ANKS1A: variants seen among roughly 807,000 people sequenced by gnomAD.
ANKS1A encodes ankyrin repeat and sterile alpha motif domain containing 1A.
In ANKS1A, 55 loss-of-function variants were observed where a neutral mutation model predicts 120.3. The observed-to-expected ratio is 0.46, with a 90% CI of 0.37 to 0.57. ANKS1A has a LOEUF of 0.57. ANKS1A is among the 20% of genes least tolerant of loss of function. The probability of loss-of-function intolerance (pLI) is 0.00; values close to 1 mark genes in which losing one functional copy is unlikely to be tolerated. For missense variants in ANKS1A, 1,123 were observed against 1,480.3 expected (o/e 0.76, Z 3.96); for synonymous variants, 590 against 604.7 (o/e 0.98, Z 0.36).
In ANKS1A at chr6:34,985,198, G is replaced by A; in HGVS notation, c.1129G>A (p.Ala377Thr). The change falls in exon 8 of 24, where the codon GCC becomes ACC. Residue 377 changes from alanine to threonine, a missense_variant. Around this residue, in one of 3 missense-constraint regions of ANKS1A, gnomAD observed 904 missense variants for 1,130.4 expected, o/e 0.80. Coordinates refer to ENST00000360359, the MANE Select transcript of ANKS1A (RefSeq NM_015245.3). ...CTCCTGCCATTCGTTGGACAGCATG[G>A]CCAGCGGGCGATCATCTGACCAAGA... ...AISCHSLDSMASGRSSDQDST... is the reference protein window; with the variant it reads ...AISCHSLDSMTSGRSSDQDST... 2 of 1,614,212 alleles carry A rather than the reference G, an allele frequency of 1.2e-6. No individual in the cohort carries two copies. The highest frequency in any genetic ancestry group is 1.7e-6 in the Non-Finnish European group (2 of 1,180,036).
intron 3 of ANKS1A, among the ~76,000 whole-genome samples, chr6:34,978,045 G>T (rs1368270107): frequency 6.6e-6 from 1 of 151,812 alleles, no homozygotes; most frequent in African/African-American, 2.4e-5. Flanking sequence ...TACAACCTCT[G>T]CCTCCCAGGT....
rs556675710 is a variant in ANKS1A, at chr6:35,031,113, A to G, written c.2010+13054A>G. On this transcript the variant is annotated intron_variant, in intron 11 of 23. Coordinates refer to ENST00000360359, the MANE Select transcript of ANKS1A (RefSeq NM_015245.3). ...TGCACAATGCTTCCAGAGGTACCACACCTCCATCAGGAGGCCATACAGAAA... is the reference window on the plus strand; with the variant it reads ...TGCACAATGCTTCCAGAGGTACCACGCCTCCATCAGGAGGCCATACAGAAA... Among the ~76,000 whole-genome samples, 50 of 152,100 alleles carry G rather than the reference A, an allele frequency of 3.3e-4. 1 individual carries two copies. Among genetic ancestry groups the G allele is most frequent in the Admixed American group, 2.9e-3 (45 of 15,276 alleles).
chr6:34,958,973 C>A (rs747023443), intron 1 of ANKS1A, among the ~76,000 whole-genome samples: 1 of 152,208 alleles, frequency 6.6e-6, no homozygotes, highest in Non-Finnish European at 1.5e-5. Flanking sequence ...GACTGTCCAG[C>A]GCTGTGGCAT....
At chr6:35,012,832 A>ATG in intron 10 of ANKS1A, among the ~76,000 whole-genome samples, 1 of 152,294 alleles carries the variant, frequency 6.6e-6, no homozygotes, top group South Asian at 2.1e-4. Flanking sequence ...TATGGGTAGC[A>ATG]TAAGAAACAG....
intron 1 of ANKS1A, among the ~76,000 whole-genome samples, chr6:34,902,306 A>G (rs1767391140): frequency 6.6e-6 from 1 of 151,712 alleles, no homozygotes; most frequent in African/African-American, 2.4e-5. Context: ...CTGGAGTGCA[A>G]TGCGTGATCT....
chr6:35,037,701 G>A (rs1775247139), intron 11 of ANKS1A, among the ~76,000 whole-genome samples: 1 of 152,176 alleles, frequency 6.6e-6, no homozygotes, highest in Non-Finnish European at 1.5e-5. Flanking sequence ...CAGTGTACAG[G>A]TCTAGAGGGC....
chr6:35,084,123 C>G lies in ANKS1A; in HGVS notation c.2997C>G (p.Asn999Lys). ...GVKFIDASNK[N>K]VIAEHEIRNI... ...CAGAACACGGCTTTCCCCAGCAGAA[C>G]GTCATTGCAGAGCACGAGATCCGGA... The change falls in exon 21 of 24, where the codon AAC becomes AAG. Residue 999 changes from asparagine (N) to lysine (K), a missense_variant and splice_region_variant. Asn to Lys is a moderately conservative substitution (Grantham distance 94). Around this residue, in one of 3 missense-constraint regions of ANKS1A, gnomAD observed 904 missense variants for 1,130.4 expected, o/e 0.80. Transcript: ENST00000360359. This position sits in a 1 kb window ranked among gnomAD's most constrained non-coding sequence, Gnocchi z 4.8. 6.2e-7 allele frequency: 1 copy of G among 1,614,076 alleles called. No homozygotes were observed. The highest frequency in any genetic ancestry group is 2.2e-5 in the East Asian group (1 of 44,886).
At position 35,089,075 on chromosome 6, in the gene ANKS1A, CGGTG is replaced by C. The variant is rs1778159882; in HGVS notation, c.*468_*471del. On this transcript the variant is annotated 3_prime_UTR_variant, in exon 24 of 24. Transcript: ENST00000360359. ...CAGCTCAGTGGGTCGGAAGAGAAGG[CGGTG>C]GCCTGTGGGTGAGGGGAACGGAGCA... The C allele has an allele frequency of 1.0e-5, 11 of 1,048,506 alleles. No homozygotes were observed. The South Asian group carries it at 3.6e-4, about 34-fold the overall frequency. 65.0% of individuals were successfully genotyped at this position (1,048,506 alleles called of 1,614,324 possible).
At chr6:35,063,772 TG>T (rs928710346) in intron 13 of ANKS1A, among the ~76,000 whole-genome samples, 3 of 152,186 alleles carry the variant, frequency 2.0e-5, no homozygotes, top group African/African-American at 4.8e-5. Flanking sequence ...AGGAACTTGA[TG>T]GTCCAGCTGG....
At position 35,085,936 on chromosome 6, in the gene ANKS1A, A is replaced by G; in HGVS notation, c.3303A>G (p.Ala1101=). Residue 1101 remains alanine, a splice_region_variant and synonymous_variant, in exon 22 of 24, where the codon GCA becomes GCG. Coordinates refer to ENST00000360359, the MANE Select transcript of ANKS1A (RefSeq NM_015245.3). This position sits in a 1 kb window ranked among gnomAD's most constrained non-coding sequence, Gnocchi z 4.7. ...CTCGGGTCGGCGTGAGGAAATCCGC[A>G]GTACGTGGGCCCCACTGGCCAAGAT... ...PKPRVGVRKS[A]LEPPDMDQDA... is the part of the protein sequence containing the mutation. 6.3e-7 allele frequency: 1 copy of G among 1,599,790 alleles called. No homozygotes were observed. The highest frequency in any genetic ancestry group is 1.9e-4 in the Middle Eastern group (1 of 5,240).
At chr6:35,094,101 C>T (rs1778389245), downstream of ANKS1A, among the ~76,000 whole-genome samples, 1 of 152,182 alleles carries the variant, frequency 6.6e-6, no homozygotes, top group African/African-American at 2.4e-5. Flanking sequence ...GCTTTGACCC[C>T]CAACCTGGCA....
intron 1 of ANKS1A, among the ~76,000 whole-genome samples, chr6:34,937,013 A>G (rs1387198063): frequency 6.6e-6 from 1 of 152,238 alleles, no homozygotes; most frequent in African/African-American, 2.4e-5. Context: ...CATACATGTT[A>G]CATACATACA....
At position 35,029,058 on chromosome 6, in the gene ANKS1A, T is replaced by C. The variant is rs538335706; in HGVS notation, c.2010+10999T>C. ...GGTTAACAGATTGGTAATGTTATCTTATCTTGGGTTAGTTTTAAAGTGTGT... is the reference window on the plus strand; with the variant it reads ...GGTTAACAGATTGGTAATGTTATCTCATCTTGGGTTAGTTTTAAAGTGTGT... On this transcript the variant is annotated intron_variant, in intron 11 of 23. Transcript: ENST00000360359. Among the ~76,000 whole-genome samples, 8 of 152,308 alleles carry C rather than the reference T, an allele frequency of 5.3e-5. No individual in the cohort carries two copies. In the East Asian group the frequency reaches 1.5e-3, roughly 29 times the overall value.
At chr6:35,011,707 C>A (rs1030253599) in intron 10 of ANKS1A, among the ~76,000 whole-genome samples, 20 of 152,160 alleles carry the variant, frequency 1.3e-4, no homozygotes, top group African/African-American at 4.3e-4. Flanking sequence ...AAGGGCTACT[C>A]AGAATAAATC....
chr6:35,031,771 A>G (rs1038325275), intron 11 of ANKS1A, among the ~76,000 whole-genome samples: 1 of 152,244 alleles, frequency 6.6e-6, no homozygotes, highest in African/African-American at 2.4e-5. Flanking sequence ...TTCAGAGTCC[A>G]GACTCCTTAG....
chr6:35,096,476 T>G, the ANKS1A span, among the ~76,000 whole-genome samples: 1 of 152,258 alleles, frequency 6.6e-6, no homozygotes, highest in Non-Finnish European at 1.5e-5. Flanking sequence ...GTGTTTAATC[T>G]GCACACCTGG....
At chr6:34,910,835 T>A (rs1767873742) in intron 1 of ANKS1A, among the ~76,000 whole-genome samples, 1 of 143,146 alleles carries the variant, frequency 7.0e-6, no homozygotes, top group Non-Finnish European at 1.5e-5. Flanking sequence ...CACTCCAGCC[T>A]GGGTGACAGA....
intron 11 of ANKS1A, among the ~76,000 whole-genome samples, chr6:35,019,712 A>G (rs1774227451): frequency 6.6e-6 from 1 of 152,212 alleles, no homozygotes; most frequent in African/African-American, 2.4e-5. Context: ...ACTAATTTAC[A>G]GTCAGCTATA....
At chr6:35,007,535 T>C (rs1028334072) in intron 10 of ANKS1A, among the ~76,000 whole-genome samples, 1 of 152,234 alleles carries the variant, frequency 6.6e-6, no homozygotes, top group African/African-American at 2.4e-5. Flanking sequence ...CTTTGCTCGC[T>C]GGATGTTCTG....
Sources: gnomAD v4.1 joint callset for allele counts (sites outside exome capture counted in the v4.1 genomes callset) on GRCh38, gnomAD v4.1.1 for gene constraint, gnomAD v4.1.1 regional missense constraint, Gnocchi (gnomAD v3.1) non-coding constraint, MANE v1.5 for transcripts, NCBI Gene and HGNC (gene_info 2026-07-23, HGNC 2026-07-21) for gene names.